TRAPPC9: variants seen among roughly 807,000 people sequenced by gnomAD.
TRAPPC9 encodes the protein IKK2 binding protein.
TRAPPC9 carries 83 observed loss-of-function variants against 124.0 expected under a neutral mutation model. The ratio of observed to expected loss-of-function variants is 0.67; its 90% CI spans 0.56 to 0.80. The LOEUF is 0.80. TRAPPC9 is among the 30% of genes least tolerant of loss of function. The pLI is 0.00. For missense variants in TRAPPC9, 1,302 were observed against 1,508.3 expected (o/e 0.86, Z 2.27); for synonymous variants, 638 against 617.5 (o/e 1.03, Z -0.49).
Position 139,825,443 on chromosome 8 carries a change from C to T in TRAPPC9, c.3055+60436G>A, listed in dbSNP as rs548853499. On this transcript the variant is annotated intron_variant, in intron 21 of 22. Transcript: ENST00000438773. The surrounding 1 kb of genome is among the most constrained non-coding windows in gnomAD (Gnocchi z 4.6). ...GGCTGTGGGCCCAGGAAGTGCTTCC[C>T]GGGCGCCGGATGGATGGGCACCAGG... 2.6e-5 allele frequency among the ~76,000 whole-genome samples: 4 copies of T among 152,304 alleles called. No homozygotes were observed. The highest frequency in any genetic ancestry group is 3.9e-4 in the East Asian group (2 of 5,174).
intron 17 of TRAPPC9, among the ~76,000 whole-genome samples, chr8:140,077,089 C>G (rs1387330576): frequency 1.3e-5 from 2 of 151,958 alleles, no homozygotes; most frequent in Non-Finnish European, 2.9e-5. Context: ...TCGCTTGAAC[C>G]CAGGAGGTAA....
intron 16 of TRAPPC9, among the ~76,000 whole-genome samples, chr8:140,227,705 C>A (rs1314411586): frequency 2.6e-5 from 4 of 152,228 alleles, no homozygotes; most frequent in Admixed American, 1.3e-4. Flanking sequence ...AAAAACAGCT[C>A]TTCTAGAAAG....
chr8:140,187,054 G>A (rs2062368435), intron 17 of TRAPPC9, among the ~76,000 whole-genome samples: 1 of 152,106 alleles, frequency 6.6e-6, no homozygotes, highest in Non-Finnish European at 1.5e-5. Flanking sequence ...CAAGTGCTTG[G>A]GACCGTAAGT....
chr8:140,444,761 G>A (rs1564028452), intron 2 of TRAPPC9, among the ~76,000 whole-genome samples: 2 of 151,880 alleles, frequency 1.3e-5, no homozygotes, highest in South Asian at 4.2e-4. Context: ...CTACTTAGGA[G>A]GCAAGGCTGG....
At chr8:140,145,736 T>C (rs2061453144) in intron 17 of TRAPPC9, among the ~76,000 whole-genome samples, 1 of 152,194 alleles carries the variant, frequency 6.6e-6, no homozygotes, top group Admixed American at 6.5e-5. Flanking sequence ...TTTAGTATGC[T>C]AAAATCCTAG....
At chr8:140,342,919 C>G (rs931816786) in intron 9 of TRAPPC9, among the ~76,000 whole-genome samples, 4 of 152,116 alleles carry the variant, frequency 2.6e-5, no homozygotes, top group African/African-American at 9.7e-5. Context: ...GAACAAAATA[C>G]AATATAGGAC....
chr8:139,735,511 C>G (rs551742306), intron 21 of TRAPPC9, among the ~76,000 whole-genome samples: 3 of 152,142 alleles, frequency 2.0e-5, no homozygotes, highest in Admixed American at 1.3e-4. Flanking sequence ...AACAGTGAAC[C>G]GAACCAGGCG....
At chr8:140,121,205 G>T (rs572927337) in intron 17 of TRAPPC9, among the ~76,000 whole-genome samples, 3 of 152,258 alleles carry the variant, frequency 2.0e-5, no homozygotes, top group Non-Finnish European at 4.4e-5. Context: ...GGAAATTTAA[G>T]TGAGGAAGGG....
At chr8:140,254,232 G>C (rs2064195156) in intron 15 of TRAPPC9, among the ~76,000 whole-genome samples, 1 of 152,224 alleles carries the variant, frequency 6.6e-6, no homozygotes, top group Non-Finnish European at 1.5e-5. Context: ...AGGTTTCCAG[G>C]TGCGGAAAGC....
intron 17 of TRAPPC9, among the ~76,000 whole-genome samples, chr8:140,106,947 A>AT: frequency 1.3e-5 from 2 of 152,318 alleles, no homozygotes; most frequent in Non-Finnish European, 1.5e-5. Context: ...AAACGTTTAC[A>AT]TTTCAGTGGT....
chr8:140,098,259 C>G (rs1258958275), intron 17 of TRAPPC9: 1 of 152,124 alleles, frequency 6.6e-6, no homozygotes, highest in Admixed American at 6.5e-5. Context: ...TTCAGCATTC[C>G]TGCGATCTCC....
At chr8:140,076,891 T>A (rs1225884831) in intron 17 of TRAPPC9, among the ~76,000 whole-genome samples, 2 of 152,192 alleles carry the variant, frequency 1.3e-5, no homozygotes, top group Non-Finnish European at 2.9e-5. Context: ...ATCAGCTGGG[T>A]ACAATAGTTC....
At chr8:140,188,823 G>A (rs1011705229) in intron 17 of TRAPPC9, among the ~76,000 whole-genome samples, 2 of 152,128 alleles carry the variant, frequency 1.3e-5, no homozygotes, top group African/African-American at 4.8e-5. Flanking sequence ...ATCCACAGCT[G>A]ATGGTCCCGA....
chr8:139,841,827 C>T (rs4736103), intron 21 of TRAPPC9, among the ~76,000 whole-genome samples: 2 of 152,206 alleles, frequency 1.3e-5, no homozygotes, highest in Non-Finnish European at 2.9e-5. Context: ...AGTTCCAGGA[C>T]GAAGCCACCA....
chr8:140,209,533 T>C (rs2063006592), intron 17 of TRAPPC9, among the ~76,000 whole-genome samples: 1 of 152,226 alleles, frequency 6.6e-6, no homozygotes, highest in Non-Finnish European at 1.5e-5. Flanking sequence ...TTTGAAATTG[T>C]TGAGCAGATT....
chr8:140,387,666 C>G (rs1354549613), intron 7 of TRAPPC9, among the ~76,000 whole-genome samples: 1 of 152,136 alleles, frequency 6.6e-6, no homozygotes, highest in Non-Finnish European at 1.5e-5. Context: ...AAATCAAAAC[C>G]ACAATGAGAT....
Position 140,328,241 on chromosome 8 carries a change from C to T in TRAPPC9, c.1496-16867G>A, listed in dbSNP as rs573217052. ...CTTCACTCCAGCCTGGGCGAAAGAG[C>T]GAAAGTCCGTCTCAAAAACAAAATT... is the stretch of plus-strand genomic sequence containing the variant. On this transcript the variant is annotated intron_variant, in intron 9 of 22. Transcript: ENST00000438773. 5.5e-4 allele frequency among the ~76,000 whole-genome samples: 84 copies of T among 151,662 alleles called. 1 individual carries two copies. The highest frequency in any genetic ancestry group is 5.0e-4 in the Non-Finnish European group (34 of 67,930).
intron 21 of TRAPPC9, among the ~76,000 whole-genome samples, chr8:139,848,849 T>C (rs1424569883): frequency 2.0e-5 from 3 of 152,228 alleles, no homozygotes; most frequent in Non-Finnish European, 2.9e-5. Flanking sequence ...CTTCACATAC[T>C]GAAGCCCCTC....
intron 17 of TRAPPC9, among the ~76,000 whole-genome samples, chr8:140,218,947 G>A (rs367870229): frequency 1.1e-4 from 17 of 150,780 alleles, no homozygotes; most frequent in Admixed American, 5.4e-4. Context: ...GTGACAGAAC[G>A]AGACTCCCAT....
Sources: gnomAD v4.1 joint callset for allele counts (sites outside exome capture counted in the v4.1 genomes callset) on GRCh38, gnomAD v4.1.1 for gene constraint, Gnocchi (gnomAD v3.1) non-coding constraint, MANE v1.5 for transcripts, NCBI Gene and HGNC (gene_info 2026-07-23, HGNC 2026-07-21) for gene names.